Variants in KDM1B observed in about 807,000 individuals in gnomAD.
The protein encoded by KDM1B is lysine-specific histone demethylase 2.
KDM1B carries 63 observed loss-of-function variants against 107.4 expected under a neutral mutation model. The observed-to-expected ratio is 0.59, with a 90% CI of 0.48 to 0.72. KDM1B has a LOEUF of 0.72. Among genes scored for constraint, KDM1B ranks in the 30% least tolerant of loss-of-function variants. The probability of loss-of-function intolerance (pLI) is 0.00; values close to 1 mark genes in which losing one functional copy is unlikely to be tolerated. For missense variants in KDM1B, 749 were observed against 1,020.8 expected (o/e 0.73, Z 3.63); for synonymous variants, 363 against 363.9 (o/e 1.00, Z 0.03).
intron 3 of KDM1B, among the ~76,000 whole-genome samples, chr6:18,160,464 G>A (rs1447817372): frequency 2.6e-5 from 4 of 152,090 alleles, no homozygotes; most frequent in South Asian, 4.1e-4. Context: ...GGCCAGGCAC[G>A]GTGGCTTACA....
chr6:18,175,487 C>T (rs1785933899), intron 7 of KDM1B, among the ~76,000 whole-genome samples: 1 of 151,892 alleles, frequency 6.6e-6, no homozygotes, highest in Non-Finnish European at 1.5e-5. Flanking sequence ...CTTTAAAGTC[C>T]CAGTTATTTA....
rs34558185 is a variant in KDM1B at position 18,183,258 on chromosome 6, GTTTTTTTTTTTTTT to G, written c.535-2501_535-2488del. Among the ~76,000 whole-genome samples the G allele has an allele frequency of 2.3e-4, 14 of 61,472 alleles. 1 individual carries two copies. In the Admixed American group the frequency reaches 2.6e-3, roughly 11 times the overall value. 40.3% of individuals were successfully genotyped at this position (61,472 alleles called of 152,430 possible). ...GTAAACAATGTCCTGAATTTTGTGG[GTTTTTTTTTTTTTT>G]TTTTTTTTTTTTGAGACAGAGTTTT... On this transcript the variant is annotated intron_variant, in intron 7 of 21. Coordinates refer to ENST00000650836, the MANE Select transcript of KDM1B (RefSeq NM_001364614.2).
intron 16 of KDM1B, 75 bp from the exon 17 acceptor site, chr6:18,208,057 A>C: frequency 1.9e-6 from 2 of 1,036,482 alleles, no homozygotes; most frequent in East Asian, 4.7e-5. Flanking sequence ...AAATTCATGT[A>C]ATATGAGAAT....
intron 7 of KDM1B, among the ~76,000 whole-genome samples, chr6:18,180,333 G>C (rs1221417031): frequency 6.6e-6 from 1 of 151,942 alleles, no homozygotes; most frequent in Non-Finnish European, 1.5e-5. Flanking sequence ...CTGTGTCCCA[G>C]ATTACTTGAC....
chr6:18,210,542 G>A (rs1425392146), intron 17 of KDM1B, among the ~76,000 whole-genome samples: 4 of 148,098 alleles, frequency 2.7e-5, no homozygotes, highest in Non-Finnish European at 1.5e-5. Context: ...TTTTTTTTTT[G>A]TAGAGACAGT....
At chr6:18,187,481 T>C (rs1786946891) in intron 8 of KDM1B, among the ~76,000 whole-genome samples, 1 of 152,148 alleles carries the variant, frequency 6.6e-6, no homozygotes, top group African/African-American at 2.4e-5. Context: ...GCTTGCGATC[T>C]AGTAAATGGG....
intron 10 of KDM1B, among the ~76,000 whole-genome samples, chr6:18,195,591 C>T (rs1375142347): frequency 6.6e-6 from 1 of 151,746 alleles, no homozygotes; most frequent in Non-Finnish European, 1.5e-5. Flanking sequence ...AAAAATTAGC[C>T]GGGCTTGGTG....
chr6:18,215,300 A>C (rs1561956772), intron 20 of KDM1B, among the ~76,000 whole-genome samples, 171 bp downstream of exon 20: 1 of 152,236 alleles, frequency 6.6e-6, no homozygotes, highest in East Asian at 1.9e-4. Flanking sequence ...TTAGTCTGTG[A>C]GGGCTGTCAT....
At chr6:18,199,815 A>G (rs1223153556) in intron 12 of KDM1B, among the ~76,000 whole-genome samples, 1 of 152,100 alleles carries the variant, frequency 6.6e-6, no homozygotes, top group Non-Finnish European at 1.5e-5. Context: ...GAAGTTTTTA[A>G]CTGCTTCTTA....
intron 7 of KDM1B, among the ~76,000 whole-genome samples, chr6:18,177,442 T>G (rs1274603166): frequency 2.0e-5 from 3 of 151,966 alleles, no homozygotes; most frequent in Non-Finnish European, 2.9e-5. Flanking sequence ...TATTTTTTTT[T>G]GTTTCAATTT....
intron 3 of KDM1B, 120 bp downstream of exon 3, chr6:18,160,102 G>C (rs1288291900): frequency 1.6e-6 from 1 of 629,658 alleles, no homozygotes; most frequent in African/African-American, 1.8e-5. Context: ...TTCTAGGGGA[G>C]AAATTCTCAG....
chr6:18,212,671 A>AAGT lies in KDM1B; in HGVS notation c.1983+67_1983+68insAGT. Reference sequence around the variant, plus strand: ...GTCAGATGATAGATGTTAACTTCTGATATGGAGAAGTAGTGGGTACTATCT... The same window carrying AAGT: ...GTCAGATGATAGATGTTAACTTCTGAAGTTATGGAGAAGTAGTGGGTACTATCT... On this transcript the variant is annotated intron_variant, in intron 18 of 21. Transcript: ENST00000650836. The surrounding 1 kb of genome is among the most constrained non-coding windows in gnomAD (Gnocchi z 5.2). The AAGT allele has an allele frequency of 2.0e-6, 2 of 1,000,872 alleles. No homozygotes were observed. Among genetic ancestry groups the AAGT allele is most frequent in the Non-Finnish European group, 3.2e-6 (2 of 621,964 alleles). The allele number at this position is 1,000,872 out of a possible 1,614,324, so 62.0% of individuals were successfully genotyped here.
intron 2 of KDM1B, among the ~76,000 whole-genome samples, chr6:18,158,228 G>A (rs565517406): frequency 6.6e-6 from 1 of 150,844 alleles, no homozygotes; most frequent in East Asian, 2.0e-4. Flanking sequence ...AGAATATGTA[G>A]GGATTATGTG....
At chr6:18,193,609 G>T (rs1015757194) in intron 10 of KDM1B, among the ~76,000 whole-genome samples, 2 of 151,902 alleles carry the variant, frequency 1.3e-5, no homozygotes, top group African/African-American at 4.8e-5. Flanking sequence ...GCCTTGAAAT[G>T]ATTTTTTTTA....
At chr6:18,177,326 AATGAAGTT>A (rs1441221502) in intron 7 of KDM1B, among the ~76,000 whole-genome samples, 2 of 151,270 alleles carry the variant, frequency 1.3e-5, no homozygotes, top group Non-Finnish European at 2.9e-5. Flanking sequence ...TTTTTTTCTT[AATGAAGTT>A]ATTTGGATTT....
chr6:18,213,749 C>A lies in KDM1B; in HGVS notation c.2077C>A (p.Leu693Ile). Residue 693 changes from leucine to isoleucine, a missense_variant, in exon 19 of 22, where the codon CTT (leucine) becomes ATT (isoleucine). By Grantham distance (5) the Leu-to-Ile change is conservative (BLOSUM62 2). Coordinates refer to ENST00000650836, the MANE Select transcript of KDM1B (RefSeq NM_001364614.2). The surrounding 1 kb of genome is among the most constrained non-coding windows in gnomAD (Gnocchi z 5.9). ...TCCTCCCAGTGCCAGCAAGCGAGGGCTTTTTGCCGTGTTCTATGACATGGA... is the reference window on the plus strand; with the variant it reads ...TCCTCCCAGTGCCAGCAAGCGAGGGATTTTTGCCGTGTTCTATGACATGGA... ...HVPPSASKRG[L>I]FAVFYDMDPQ... 6.2e-7 allele frequency: 1 copy of A among 1,614,050 alleles called. No individual in the cohort carries two copies. The highest frequency in any genetic ancestry group is 8.5e-7 in the Non-Finnish European group (1 of 1,179,942).
At position 18,162,418 on chromosome 6, in the gene KDM1B, T is replaced by C. The variant is rs1341266278; in HGVS notation, c.216-417T>C. On this transcript the variant is annotated intron_variant, in intron 4 of 21. Transcript: ENST00000650836. The surrounding 1 kb of genome is among the most constrained non-coding windows in gnomAD (Gnocchi z 4.1). ...TTCTCTTGCTATATTATCAACTGTTTGACAAGTTATCTTTGCCAAATTGCC... is the reference window on the plus strand; with the variant it reads ...TTCTCTTGCTATATTATCAACTGTTCGACAAGTTATCTTTGCCAAATTGCC... 1.3e-5 allele frequency among the ~76,000 whole-genome samples: 2 copies of C among 152,204 alleles called. No individual in the cohort carries two copies. Among genetic ancestry groups the C allele is most frequent in the Admixed American group, 1.3e-4 (2 of 15,278 alleles).
rs767313822 is a variant in KDM1B, at chr6:18,171,348, A to T, written c.418-15A>T. 5.4e-6 allele frequency: 7 copies of T among 1,298,268 alleles called. No homozygotes were observed. The South Asian group carries it at 8.3e-5, about 15-fold the overall frequency. The allele number at this position is 1,298,268 out of a possible 1,614,324, so 80.4% of individuals were successfully genotyped here. ...TAGCTCACTTGTTCATCTTGACTTG[A>T]TACTTCCCATCTAGGTTCAGTGTAC... On this transcript the variant is annotated splice_polypyrimidine_tract_variant and intron_variant, in intron 6 of 21. Transcript: ENST00000650836.
chr6:18,184,299 G>T (rs1265192773), intron 7 of KDM1B, among the ~76,000 whole-genome samples: 2 of 119,550 alleles, frequency 1.7e-5, no homozygotes, highest in African/African-American at 5.9e-5. Context: ...TTTTGAGACG[G>T]AGTGTCGCTT....
Sources: allele counts gnomAD v4.1 joint callset (sites outside exome capture counted in the v4.1 genomes callset), GRCh38; gene constraint gnomAD v4.1.1; non-coding constraint Gnocchi (gnomAD v3.1); transcripts MANE v1.5; gene names NCBI Gene and HGNC (gene_info 2026-07-23, HGNC 2026-07-21).